DEPDC7: variants seen among roughly 807,000 people sequenced by gnomAD.
The protein encoded by DEPDC7 is DEP domain-containing protein 7.
A neutral mutation model predicts 56.6 loss-of-function variants in DEPDC7; 41 were observed. That is an observed-to-expected ratio of 0.72 (90% CI 0.56 to 0.94). The LOEUF is 0.94. Among genes scored for constraint, DEPDC7 ranks in the 40% least tolerant of loss-of-function variants. The probability of loss-of-function intolerance (pLI) is 0.00; values close to 1 mark genes in which losing one functional copy is unlikely to be tolerated. For synonymous variants in DEPDC7, 185 were observed against 208.8 expected (o/e 0.89, Z 0.98); for missense variants, 522 against 596.3 (o/e 0.88, Z 1.30).
At position 33,025,817 on chromosome 11, in the gene DEPDC7, C is replaced by T; in HGVS notation, c.232C>T (p.His78Tyr). The T allele has an allele frequency of 3.1e-6, 5 of 1,614,152 alleles. No homozygotes were observed. The highest frequency in any genetic ancestry group is 4.2e-6 in the Non-Finnish European group (5 of 1,180,024). Reference protein sequence around the residue: ...GSEAVDVIFSHLIQNKYFGDV... With the variant: ...GSEAVDVIFSYLIQNKYFGDV... The stretch of plus-strand genomic sequence containing the variant: ...AGAAGCTGTGGATGTCATTTTTTCT[C>T]ACCTAATTCAGAATAAGTATTTTGG... The change falls in exon 2 of 9, where the codon CAC (histidine) becomes TAC (tyrosine). Residue 78 changes from histidine (H) to tyrosine (Y), a missense_variant. Transcript: ENST00000241051.
At chr11:33,022,840 C>T (rs1484069716) in intron 1 of DEPDC7, among the ~76,000 whole-genome samples, 1 of 152,196 alleles carries the variant, frequency 6.6e-6, no homozygotes, top group East Asian at 1.9e-4. Flanking sequence ...TTAGTCAATT[C>T]TCCATAATTC....
chr11:33,026,615 G>A (rs775297337), intron 2 of DEPDC7: 11 of 165,912 alleles, frequency 6.6e-5, no homozygotes, highest in Non-Finnish European at 1.3e-4. Flanking sequence ...TTTCGTGTGT[G>A]TGTACTTTTT....
chr11:33,021,216 A>C (rs972774893), intron 1 of DEPDC7, among the ~76,000 whole-genome samples: 1 of 151,160 alleles, frequency 6.6e-6, no homozygotes, highest in South Asian at 2.1e-4. Context: ...GCACCACTGC[A>C]CTCCAGCCTG....
At chr11:33,016,980 G>C (rs1853470870) in intron 1 of DEPDC7, among the ~76,000 whole-genome samples, 1 of 152,168 alleles carries the variant, frequency 6.6e-6, no homozygotes, top group African/African-American at 2.4e-5. Context: ...ACCAACCAGT[G>C]AAACTGTGAT....
Position 33,032,899 on chromosome 11 carries a change from C to G in DEPDC7, c.1274C>G (p.Thr425Ser). 1 of 1,602,910 alleles carries G rather than the reference C, an allele frequency of 6.2e-7. No individual in the cohort carries two copies. Among genetic ancestry groups the G allele is most frequent in the East Asian group, 2.2e-5 (1 of 44,632 alleles). Residue 425 changes from threonine (T) to serine (S), a missense_variant, in exon 8 of 9, where the codon ACT (threonine) becomes AGT (serine). Physicochemically the swap from Thr to Ser is moderately conservative, Grantham distance 58. Transcript: ENST00000241051. ...HQKDVFKIPGTLHKIVSVKLM... is the reference protein window; with the variant it reads ...HQKDVFKIPGSLHKIVSVKLM... The stretch of plus-strand genomic sequence containing the variant: ...CTTCTTTTTCTTAAGATTCCTGGAA[C>G]TCTACATAAAATTGTAAGTGTTAAG...
In DEPDC7 at chr11:33,025,802, G is replaced by C. The variant is rs1840642884; in HGVS notation, c.217G>C (p.Asp73His). 6.2e-7 allele frequency: 1 copy of C among 1,614,182 alleles called. No homozygotes were observed. ...CTGCTTTGTTGGTTCAGAAGCTGTG[G>C]ATGTCATTTTTTCTCACCTAATTCA... ...NDCFVGSEAV[D>H]VIFSHLIQNK... The change falls in exon 2 of 9, where the codon GAT becomes CAT. Residue 73 changes from aspartate (D) to histidine (H), a missense_variant. By Grantham distance (81) the Asp-to-His change is moderately conservative (BLOSUM62 -1). Coordinates refer to ENST00000241051, the MANE Select transcript of DEPDC7 (RefSeq NM_001077242.2).
chr11:33,027,597 A>G (rs1291104258), intron 2 of DEPDC7, 89 bp from the exon 3 acceptor site: 7 of 1,256,344 alleles, frequency 5.6e-6, no homozygotes, highest in African/African-American at 1.6e-5. Flanking sequence ...TCTGAAATGC[A>G]TAACTCTGTA....
At chr11:33,021,178 G>T (rs908058619) in intron 1 of DEPDC7, among the ~76,000 whole-genome samples, 2 of 151,444 alleles carry the variant, frequency 1.3e-5, no homozygotes, top group Admixed American at 1.3e-4. Context: ...TTGAAGCAGG[G>T]AGTTGGAGGT....
chr11:33,030,698 C>T (rs1853624516), intron 4 of DEPDC7, among the ~76,000 whole-genome samples: 1 of 152,108 alleles, frequency 6.6e-6, no homozygotes, highest in African/African-American at 2.4e-5. Context: ...ATTCTCCCAC[C>T]TCAGCCTCCC....
At chr11:33,026,930 T>G (rs1430394950) in intron 2 of DEPDC7, among the ~76,000 whole-genome samples, 6 of 152,130 alleles carry the variant, frequency 3.9e-5, no homozygotes, top group African/African-American at 1.4e-4. Flanking sequence ...GCCTGGCCCA[T>G]TTTTACATGT....
At chr11:33,017,417 A>G (rs1853475638) in intron 1 of DEPDC7, among the ~76,000 whole-genome samples, 1 of 152,212 alleles carries the variant, frequency 6.6e-6, no homozygotes, top group Non-Finnish European at 1.5e-5. Context: ...ATTTGTGAAC[A>G]GGTTCTTAGA....
At chr11:33,027,982 ACAAATAGAT>A (rs1853595627) in intron 3 of DEPDC7, 169 bp downstream of exon 3, 1 of 603,618 alleles carries the variant, frequency 1.7e-6, no homozygotes, top group Non-Finnish European at 2.6e-6. Context: ...ATTATCTTTA[ACAAATAGAT>A]CAGTGTTAGA....
Position 33,031,320 on chromosome 11 carries a change from TTTGCCTTTTAAATAATCTTCCC to T in DEPDC7, c.783-35_783-14del, listed in dbSNP as rs1469607941. On this transcript the variant is annotated intron_variant, in intron 4 of 8. Transcript: ENST00000241051. ...GGTACCATGTGTATATTTGTTATTC[TTTGCCTTTTAAATAATCTTCCC>T]TTGCCTTTTAAATAATCTTCCCCTC... The T allele has an allele frequency of 4.5e-6, 6 of 1,327,710 alleles. No individual in the cohort carries two copies. The East Asian group carries it at 1.4e-4, about 31-fold the overall frequency. 82.2% of individuals were successfully genotyped at this position (1,327,710 alleles called of 1,614,324 possible). A position where few individuals can be genotyped will look rare whatever the true frequency, so the allele number is the denominator to read the frequency against.
intron 1 of DEPDC7, among the ~76,000 whole-genome samples, chr11:33,021,509 T>G (rs1853524089): frequency 6.6e-6 from 1 of 152,220 alleles, no homozygotes; most frequent in African/African-American, 2.4e-5. Context: ...AGCTTTTAAA[T>G]GACGATAAAT....
chr11:33,019,032 T>C (rs552212569), intron 1 of DEPDC7, among the ~76,000 whole-genome samples: 7 of 152,316 alleles, frequency 4.6e-5, no homozygotes, highest in East Asian at 1.9e-4. Context: ...TATTAGTAAA[T>C]GATGGACCCA....
chr11:33,033,132 G>C, intron 8 of DEPDC7, 130 bp from the exon 9 acceptor site: 1 of 879,830 alleles, frequency 1.1e-6, no homozygotes, highest in South Asian at 1.8e-5. Context: ...AAAGTCAGCA[G>C]TGCTTACCAT....
intron 1 of DEPDC7, among the ~76,000 whole-genome samples, chr11:33,019,955 G>C (rs562114471): frequency 1.3e-5 from 2 of 151,352 alleles, no homozygotes; most frequent in Admixed American, 1.3e-4. Flanking sequence ...TTAAGAGGTA[G>C]TGTGTTTTAT....
intron 3 of DEPDC7, 179 bp downstream of exon 3, chr11:33,027,992 C>T (rs1453168615): frequency 1.8e-6 from 1 of 567,274 alleles, no homozygotes. Context: ...ACAAATAGAT[C>T]AGTGTTAGAA....
chr11:33,025,628 C>A lies in DEPDC7; in HGVS notation c.74-31C>A, dbSNP rs764736913. On this transcript the variant is annotated intron_variant, in intron 1 of 8. Coordinates refer to ENST00000241051, the MANE Select transcript of DEPDC7 (RefSeq NM_001077242.2). ...ATTACAAATGAACAAGGTACTAAAT[C>A]CCAGTTTCTCTATGATTTTTCTCCT... The A allele has an allele frequency of 8.9e-6, 14 of 1,576,110 alleles. No individual in the cohort carries two copies. In the Admixed American group the frequency reaches 1.5e-4, roughly 16 times the overall value.
Sources: gnomAD v4.1 joint callset for allele counts (sites outside exome capture counted in the v4.1 genomes callset) on GRCh38, gnomAD v4.1.1 for gene constraint, MANE v1.5 for transcripts, NCBI Gene and HGNC (gene_info 2026-07-23, HGNC 2026-07-21) for gene names.